FAM204A: variants seen among roughly 807,000 people sequenced by gnomAD.
FAM204A encodes the protein family with sequence similarity 204 member A.
Under a neutral mutation model 35.4 loss-of-function variants are expected in FAM204A, and 16 were observed. The observed-to-expected ratio is 0.45, with a 90% CI of 0.31 to 0.69. The LOEUF is 0.69. FAM204A is among the 30% of genes least tolerant of loss of function. FAM204A has a pLI of 0.07. For missense variants in FAM204A, 240 were observed against 265.7 expected (o/e 0.90, Z 0.67); for synonymous variants, 76 against 86.9 (o/e 0.88, Z 0.70).
intron 6 of FAM204A, among the ~76,000 whole-genome samples, chr10:118,330,868 T>C (rs1368313730): frequency 6.6e-6 from 1 of 152,156 alleles, no homozygotes; most frequent in Admixed American, 6.5e-5. Context: ...CAACCCTGAG[T>C]GAGTTTCTAA....
Position 118,307,508 on chromosome 10 carries a change from A to C in FAM204A, c.*3349T>G, listed in dbSNP as rs1385656498. On this transcript the variant is annotated 3_prime_UTR_variant, in exon 9 of 9. Transcript: ENST00000369183. ...ATTAGACTAGGTTTCACTAACTTCA[A>C]AATGAGATCTGACATAACATCGGCT... is the stretch of plus-strand genomic sequence containing the variant. The C allele has an allele frequency of 6.6e-6, 1 of 152,244 alleles. No homozygotes were observed. Among genetic ancestry groups the C allele is most frequent in the Non-Finnish European group, 1.5e-5 (1 of 68,038 alleles). 9.4% of individuals were successfully genotyped at this position (152,244 alleles called of 1,614,324 possible).
Position 118,305,602 on chromosome 10 carries a change from A to T in FAM204A, c.*5255T>A, listed in dbSNP as rs1292896748. 6.6e-6 allele frequency: 1 copy of T among 152,222 alleles called. No individual in the cohort carries two copies. The highest frequency in any genetic ancestry group is 2.4e-5 in the African/African-American group (1 of 41,456). The allele number at this position is 152,222 out of a possible 1,614,324, so 9.4% of individuals were successfully genotyped here. Reference sequence around the variant, plus strand: ...AGGTAACTAAAATTTTTAAGTCTACATTACTTCTTATATGTAGATTATGTC... The same window carrying T: ...AGGTAACTAAAATTTTTAAGTCTACTTTACTTCTTATATGTAGATTATGTC... On this transcript the variant is annotated 3_prime_UTR_variant, in exon 9 of 9. Transcript: ENST00000369183.
chr10:118,321,890 T>C (rs995087746), intron 7 of FAM204A, among the ~76,000 whole-genome samples: 7 of 152,102 alleles, frequency 4.6e-5, no homozygotes, highest in African/African-American at 1.4e-4. Flanking sequence ...AGAGTTCATA[T>C]GCAACCGCTG....
chr10:118,335,996 A>G, intron 3 of FAM204A, 186 bp downstream of exon 3: 1 of 658,866 alleles, frequency 1.5e-6, no homozygotes, highest in Non-Finnish European at 2.4e-6. Flanking sequence ...CTTTCTATGA[A>G]AAACAAAACA....
rs1846362995 is a variant in FAM204A, at chr10:118,335,287, A to G, written c.354-74T>C. ...CTTTTACTGTTTTTAATCGGTTACT[A>G]CAATTATACTACAATTACTAGTTCA... On this transcript the variant is annotated intron_variant, in intron 5 of 8. Coordinates refer to ENST00000369183, the MANE Select transcript of FAM204A (RefSeq NM_022063.3). 8.4e-6 allele frequency: 13 copies of G among 1,549,748 alleles called. No individual in the cohort carries two copies. In the South Asian group the frequency reaches 1.2e-4, roughly 14 times the overall value.
chr10:118,335,965 T>A (rs548080210), intron 3 of FAM204A: 203 of 518,480 alleles, frequency 3.9e-4, no homozygotes, highest in African/African-American at 3.7e-3. Context: ...TGGTTTGGGT[T>A]TTTTTTTTTT....
At chr10:118,323,837 A>C (rs1846156992) in intron 7 of FAM204A, among the ~76,000 whole-genome samples, 1 of 152,180 alleles carries the variant, frequency 6.6e-6, no homozygotes, top group Admixed American at 6.5e-5. Context: ...ATAAGAAATG[A>C]AGCTACTATT....
At chr10:118,314,558 C>G (rs1310229058) in intron 7 of FAM204A, among the ~76,000 whole-genome samples, 1 of 152,142 alleles carries the variant, frequency 6.6e-6, no homozygotes, top group Non-Finnish European at 1.5e-5. Flanking sequence ...GAATATCGTG[C>G]TGTGCTGCAG....
At chr10:118,335,236 G>A (rs1478135307) in intron 5 of FAM204A, 23 bp from the exon 6 acceptor site, 2 of 1,600,142 alleles carry the variant, frequency 1.2e-6, no homozygotes, top group South Asian at 1.1e-5. Flanking sequence ...AGTAAGTTTT[G>A]TTTTATACAA....
chr10:118,312,599 T>C (rs542140409), intron 7 of FAM204A, among the ~76,000 whole-genome samples: 2 of 152,290 alleles, frequency 1.3e-5, no homozygotes, highest in Admixed American at 6.5e-5. Flanking sequence ...GTTAAGAACA[T>C]ATATATAAAG....
chr10:118,302,354 G>A lies in FAM204A; in HGVS notation c.*8503C>T, dbSNP rs189701649. 3.9e-5 allele frequency: 6 copies of A among 152,334 alleles called. No homozygotes were observed. The highest frequency in any genetic ancestry group is 7.3e-5 in the Non-Finnish European group (5 of 68,036). The allele number at this position is 152,334 out of a possible 1,614,324, so 9.4% of individuals were successfully genotyped here. A position where few individuals can be genotyped will look rare whatever the true frequency, so the allele number is the denominator to read the frequency against. On this transcript the variant is annotated 3_prime_UTR_variant, in exon 9 of 9. Transcript: ENST00000369183. ...TGGCAGTTAAGGCCCTTGAGCAGCC[G>A]TCACTGCCACAGGCTACGGAGGTAA...
intron 6 of FAM204A, among the ~76,000 whole-genome samples, chr10:118,333,172 A>C (rs777268695): frequency 3.9e-5 from 6 of 152,192 alleles, no homozygotes; most frequent in Non-Finnish European, 7.3e-5. Flanking sequence ...TCCAAAAAAG[A>C]AAAAGGGGAG....
chr10:118,310,820 A>C lies in FAM204A; in HGVS notation c.*37T>G. 1 of 1,538,788 alleles carries C rather than the reference A, an allele frequency of 6.5e-7. No individual in the cohort carries two copies. Among genetic ancestry groups the C allele is most frequent in the Non-Finnish European group, 8.9e-7 (1 of 1,129,228 alleles). On this transcript the variant is annotated 3_prime_UTR_variant, in exon 9 of 9. Transcript: ENST00000369183. The stretch of plus-strand genomic sequence containing the variant: ...GGAAAACATTCTCAGTAAATTGAGC[A>C]TTTGAGTCTACAAATGTCTTGAAGC...
chr10:118,327,358 G>A (rs936666737), intron 6 of FAM204A, among the ~76,000 whole-genome samples: 1 of 152,142 alleles, frequency 6.6e-6, no homozygotes, highest in Non-Finnish European at 1.5e-5. Flanking sequence ...GACCAGTGAC[G>A]CTGTCACTGA....
At chr10:118,340,760 G>C (rs1316960145) in intron 2 of FAM204A, among the ~76,000 whole-genome samples, 1 of 152,126 alleles carries the variant, frequency 6.6e-6, no homozygotes, top group Non-Finnish European at 1.5e-5. Flanking sequence ...GGCAGGCCTT[G>C]GTTTTCCACT....
chr10:118,332,659 C>T (rs185877270), intron 6 of FAM204A, among the ~76,000 whole-genome samples: 96 of 151,676 alleles, frequency 6.3e-4, no homozygotes, highest in African/African-American at 2.2e-3. Flanking sequence ...TAAAAACAAA[C>T]AAACAAACAA....
rs1207410458 is a variant in FAM204A at position 118,302,175 on chromosome 10, G to A, written c.*8682C>T. The A allele has an allele frequency of 1.3e-5, 2 of 152,230 alleles. No homozygotes were observed. Among genetic ancestry groups the A allele is most frequent in the Non-Finnish European group, 2.9e-5 (2 of 68,058 alleles). 9.4% of individuals were successfully genotyped at this position (152,230 alleles called of 1,614,324 possible). On this transcript the variant is annotated 3_prime_UTR_variant, in exon 9 of 9. Transcript: ENST00000369183. ...TGAAGATCCAGCCGCTTTGTTCAGC[G>A]TGGCATCCTCAGTGCCTGCTGTAGT...
At chr10:118,326,774 C>G (rs1243283113) in intron 6 of FAM204A, among the ~76,000 whole-genome samples, 1 of 152,166 alleles carries the variant, frequency 6.6e-6, no homozygotes, top group East Asian at 1.9e-4. Context: ...TTTCTTCTGT[C>G]CCTTTTCTTA....
rs1845781887 is a variant in FAM204A, at chr10:118,299,292, A to G, written c.*11565T>C. 1 of 149,622 alleles carries G rather than the reference A, an allele frequency of 6.7e-6. No individual in the cohort carries two copies. Among genetic ancestry groups the G allele is most frequent in the Admixed American group, 6.6e-5 (1 of 15,130 alleles). 9.3% of individuals were successfully genotyped at this position (149,622 alleles called of 1,614,324 possible). Reference sequence around the variant, plus strand: ...CTGCTTTGAGCTGCCCTTCCTGTCAATCAATTACCAACCCTGCTTCTGTAT... The same window carrying G: ...CTGCTTTGAGCTGCCCTTCCTGTCAGTCAATTACCAACCCTGCTTCTGTAT... On this transcript the variant is annotated 3_prime_UTR_variant, in exon 9 of 9. Coordinates refer to ENST00000369183, the MANE Select transcript of FAM204A (RefSeq NM_022063.3).
Sources: allele counts gnomAD v4.1 joint callset (sites outside exome capture counted in the v4.1 genomes callset), GRCh38; gene constraint gnomAD v4.1.1; transcripts MANE v1.5; gene names NCBI Gene and HGNC (gene_info 2026-07-23, HGNC 2026-07-21).